Variants in SYNE1 observed in about 807,000 individuals in gnomAD.
SYNE1 encodes spectrin repeat containing nuclear envelope protein 1.
SYNE1 carries 616 observed loss-of-function variants against 1,111.0 expected under a neutral mutation model. That is an observed-to-expected ratio of 0.55 (90% confidence interval 0.52 to 0.59). The LOEUF is 0.59. SYNE1 is among the 20% of genes least tolerant of loss of function. SYNE1 has a pLI of 0.00. For missense variants in SYNE1, 10,006 were observed against 10,417.0 expected (o/e 0.96, Z 1.72); for synonymous variants, 3,855 against 3,825.8 (o/e 1.01, Z -0.28).
At chr6:152,273,154 T>A (rs1290249982) in intron 98 of SYNE1, among the ~76,000 whole-genome samples, 1 of 152,218 alleles carries the variant, frequency 6.6e-6, no homozygotes, top group South Asian at 2.1e-4. Flanking sequence ...CTTCACCCAA[T>A]GTGGGCAGGG....
intron 3 of SYNE1, among the ~76,000 whole-genome samples, chr6:152,574,456 T>C (rs1376621320): frequency 6.6e-6 from 1 of 152,118 alleles, no homozygotes; most frequent in Non-Finnish European, 1.5e-5. Context: ...ATTGCTGTAA[T>C]TGAACAACAA....
At chr6:152,509,077 T>C (rs2099072040) in intron 8 of SYNE1, among the ~76,000 whole-genome samples, 1 of 152,018 alleles carries the variant, frequency 6.6e-6, no homozygotes, top group Non-Finnish European at 1.5e-5. Context: ...AGATAAAAAA[T>C]GAGTAATTTT....
intron 126 of SYNE1, among the ~76,000 whole-genome samples, chr6:152,205,494 T>G (rs1042748013): frequency 3.9e-4 from 60 of 152,232 alleles, no homozygotes; most frequent in African/African-American, 1.3e-3. Flanking sequence ...CTGGGTCACT[T>G]GGTTTACCAT....
chr6:152,135,681 A>G (rs2056901816), intron 141 of SYNE1, among the ~76,000 whole-genome samples: 1 of 152,226 alleles, frequency 6.6e-6, no homozygotes, highest in Non-Finnish European at 1.5e-5. Context: ...TCCTACAGAT[A>G]AGGCACTGTA....
chr6:152,413,192 T>G (rs1481283358), intron 42 of SYNE1, among the ~76,000 whole-genome samples, 160 bp downstream of exon 42: 1 of 152,178 alleles, frequency 6.6e-6, no homozygotes, highest in African/African-American at 2.4e-5. Context: ...TAAAGTTCTG[T>G]CGAAATAAGT....
chr6:152,407,055 C>A lies in SYNE1; in HGVS notation c.6682G>T (p.Asp2228Tyr). ...AGTTCTTCAGCTCTGAGGTGGTTATCCAGGTTGCTGATGTTTTCTGCCATC... is the reference window on the plus strand; with the variant it reads ...AGTTCTTCAGCTCTGAGGTGGTTATACAGGTTGCTGATGTTTTCTGCCATC... ...PQMAENISNL[D>Y]NHLRAEELLK... Residue 2228 changes from aspartate to tyrosine, a missense_variant, in exon 45 of 146, where the codon GAT becomes TAT. Physicochemically the swap from Asp to Tyr is radical, Grantham distance 160. Coordinates refer to ENST00000367255, the MANE Select transcript of SYNE1 (RefSeq NM_182961.4). 6.2e-7 allele frequency: 1 copy of A among 1,613,600 alleles called. No individual in the cohort carries two copies. The highest frequency in any genetic ancestry group is 8.5e-7 in the Non-Finnish European group (1 of 1,179,940).
At chr6:152,451,018 C>T (rs1288531660) in intron 26 of SYNE1, 29 bp downstream of exon 26, 2 of 1,613,744 alleles carry the variant, frequency 1.2e-6, no homozygotes, top group African/African-American at 2.7e-5. Context: ...CTTGACACGG[C>T]TATCCACATT....
Position 152,622,233 on chromosome 6 carries a change from A to G in SYNE1, c.67+6032T>C, listed in dbSNP as rs537809862. Among the ~76,000 whole-genome samples the G allele has an allele frequency of 2.0e-5, 3 of 152,266 alleles. No homozygotes were observed. The South Asian group carries it at 6.2e-4, about 32-fold the overall frequency. ...GACACTGTTTTGTGTTTTAATAAGAAGAGTCATTAAGTTAGAGTAATAAAG... is the reference window on the plus strand; with the variant it reads ...GACACTGTTTTGTGTTTTAATAAGAGGAGTCATTAAGTTAGAGTAATAAAG... On this transcript the variant is annotated intron_variant, in intron 3 of 145. Transcript: ENST00000367255.
intron 58 of SYNE1, 27 bp from the exon 59 acceptor site, chr6:152,373,246 A>G: frequency 1.3e-6 from 2 of 1,579,226 alleles, no homozygotes; most frequent in Non-Finnish European, 1.7e-6. Context: ...AGAATTAGCC[A>G]TAATGAAAAT....
intron 55 of SYNE1, among the ~76,000 whole-genome samples, chr6:152,383,210 T>C (rs2097457045): frequency 1.3e-5 from 2 of 152,252 alleles, no homozygotes; most frequent in Non-Finnish European, 2.9e-5. Context: ...CCCATATTCC[T>C]TGTCTTTATG....
At chr6:152,388,465 ATT>A (rs1400982102) in intron 53 of SYNE1, among the ~76,000 whole-genome samples, 2 of 152,008 alleles carry the variant, frequency 1.3e-5, no homozygotes, top group African/African-American at 4.8e-5. Flanking sequence ...ACTTCAGATA[ATT>A]TTTGCATATT....
chr6:152,193,810 A>G (rs755750515), intron 127 of SYNE1, among the ~76,000 whole-genome samples: 51 of 151,898 alleles, frequency 3.4e-4, no homozygotes, highest in Middle Eastern at 6.8e-3. Flanking sequence ...AGGAGATCGA[A>G]ACCATCCTGA....
intron 84 of SYNE1, among the ~76,000 whole-genome samples, chr6:152,320,709 T>C (rs2095850746): frequency 6.6e-6 from 1 of 152,214 alleles, no homozygotes; most frequent in Non-Finnish European, 1.5e-5. Context: ...TGTTTCTATT[T>C]ACTCTTTTCC....
intron 32 of SYNE1, among the ~76,000 whole-genome samples, chr6:152,440,244 T>A (rs546788303): frequency 2.0e-5 from 3 of 152,280 alleles, no homozygotes; most frequent in Admixed American, 2.0e-4. Context: ...TCTTTCACAC[T>A]TTCAGTCACT....
intron 87 of SYNE1, chr6:152,316,583 A>G (rs1019263537): frequency 2.2e-6 from 1 of 459,758 alleles, no homozygotes; most frequent in Non-Finnish European, 3.9e-6. Flanking sequence ...GCTACAGAAA[A>G]TGAGTTCTAC....
chr6:152,125,488 A>C, intron 145 of SYNE1: 1 of 1,193,852 alleles, frequency 8.4e-7, no homozygotes, highest in Non-Finnish European at 1.1e-6. Flanking sequence ...CTCATTTGCA[A>C]TGATTCAATG....
At chr6:152,592,126 C>T (rs1335028905) in intron 3 of SYNE1, among the ~76,000 whole-genome samples, 1 of 152,086 alleles carries the variant, frequency 6.6e-6, no homozygotes, top group African/African-American at 2.4e-5. Flanking sequence ...TCTCAAAGAA[C>T]TTAAAACAAA....
intron 104 of SYNE1, among the ~76,000 whole-genome samples, chr6:152,253,826 T>TTG (rs2090086947): frequency 1.7e-5 from 1 of 57,266 alleles, no homozygotes; most frequent in Non-Finnish European, 2.9e-5. Flanking sequence ...TGGTTTTTTT[T>TTG]TTTTTTTTTT....
intron 3 of SYNE1, among the ~76,000 whole-genome samples, chr6:152,619,812 C>T (rs773483684): frequency 2.6e-5 from 4 of 152,032 alleles, no homozygotes; most frequent in Non-Finnish European, 4.4e-5. Flanking sequence ...GTCCCCAACT[C>T]AACAAGAGAG....
Sources: gnomAD v4.1 joint callset for allele counts (sites outside exome capture counted in the v4.1 genomes callset) on GRCh38, gnomAD v4.1.1 for gene constraint, MANE v1.5 for transcripts, NCBI Gene and HGNC (gene_info 2026-07-23, HGNC 2026-07-21) for gene names.